Variants in ARMC9 observed in about 807,000 individuals in gnomAD.
ARMC9 encodes the protein lisH domain-containing protein ARMC9.
In ARMC9, 94 loss-of-function variants were observed where a neutral mutation model predicts 107.0. The observed-to-expected ratio is 0.88, with a 90% CI of 0.74 to 1.04. The LOEUF (loss-of-function observed/expected upper bound fraction) is 1.04. ARMC9 is among the 50% of genes least tolerant of loss of function. The pLI, the probability that ARMC9 is intolerant of heterozygous loss-of-function variation, is 0.00. For missense variants in ARMC9, 942 were observed against 1,030.1 expected, an observed-to-expected ratio of 0.91 and a Z score of 1.17; for synonymous variants, 380 against 396.9, an observed-to-expected ratio of 0.96 and a Z score of 0.51.
chr2:231,348,197 C>T (rs1331904479), intron 21 of ARMC9, among the ~76,000 whole-genome samples: 3 of 152,036 alleles, frequency 2.0e-5, no homozygotes, highest in African/African-American at 4.8e-5. Context: ...TGGGTGGACC[C>T]AATGTAATCA....
intron 9 of ARMC9, among the ~76,000 whole-genome samples, chr2:231,250,401 C>G (rs1373086370): frequency 6.6e-6 from 1 of 152,206 alleles, no homozygotes; most frequent in Non-Finnish European, 1.5e-5. Flanking sequence ...CCCAAAATGT[C>G]TCCAGACATT....
Position 231,215,110 on chromosome 2 carries a change from T to C in ARMC9, c.348+109T>C, listed in dbSNP as rs967972899. On this transcript the variant is annotated intron_variant, in intron 4 of 24. Transcript: ENST00000611582. Reference sequence around the variant, plus strand: ...TTCATATGTGGCTGTGCTGTCATAATGCTTACGAGGTACAGGCATCCTCTC... The same window carrying C: ...TTCATATGTGGCTGTGCTGTCATAACGCTTACGAGGTACAGGCATCCTCTC... 7 of 1,310,888 alleles carry C rather than the reference T, an allele frequency of 5.3e-6. No homozygotes were observed. The African/African-American group carries it at 8.8e-5, about 16-fold the overall frequency. 81.2% of individuals were successfully genotyped at this position (1,310,888 alleles called of 1,614,324 possible). A position where few individuals can be genotyped will look rare whatever the true frequency, so the allele number is the denominator to read the frequency against.
chr2:231,314,099 G>C (rs2042525161), intron 19 of ARMC9, among the ~76,000 whole-genome samples: 1 of 145,760 alleles, frequency 6.9e-6, no homozygotes. Context: ...TTGTTTTTGA[G>C]ACGGAGTTTC....
chr2:231,318,338 G>A (rs2042816826), intron 19 of ARMC9, among the ~76,000 whole-genome samples: 1 of 152,144 alleles, frequency 6.6e-6, no homozygotes, highest in South Asian at 2.1e-4. Context: ...TCCACCTTCT[G>A]CTGCTTGAGC....
At chr2:231,270,425 C>T in intron 12 of ARMC9, 2 of 354,168 alleles carry the variant, frequency 5.6e-6, no homozygotes, top group Non-Finnish European at 1.1e-5. Context: ...TTCTTCAGCT[C>T]TTAAGTGCTT....
intron 7 of ARMC9, among the ~76,000 whole-genome samples, chr2:231,230,598 G>C (rs73088011): frequency 0.12 from 17,944 of 152,108 alleles, 2,068 homozygotes; most frequent in African/African-American, 0.29. Flanking sequence ...GGAGTATACA[G>C]TTGTCCCTCA....
chr2:231,206,904 G>A (rs936424563), intron 2 of ARMC9, among the ~76,000 whole-genome samples: 2 of 152,252 alleles, frequency 1.3e-5, no homozygotes, highest in East Asian at 3.8e-4. Context: ...TGCAGGTTGC[G>A]AGAGCCACGG....
chr2:231,224,885 T>C (rs1432067525), intron 6 of ARMC9, among the ~76,000 whole-genome samples: 1 of 152,142 alleles, frequency 6.6e-6, no homozygotes, highest in Non-Finnish European at 1.5e-5. Flanking sequence ...GAACAGCCTG[T>C]GCAAAGGCAC....
chr2:231,248,946 A>C (rs935037786), intron 9 of ARMC9, among the ~76,000 whole-genome samples: 1 of 151,862 alleles, frequency 6.6e-6, no homozygotes, highest in Non-Finnish European at 1.5e-5. Context: ...CATTGTGGGC[A>C]TTTGAACCTC....
At chr2:231,271,296 C>T (rs542561819) in intron 13 of ARMC9, among the ~76,000 whole-genome samples, 2 of 152,206 alleles carry the variant, frequency 1.3e-5, no homozygotes, top group South Asian at 2.1e-4. Flanking sequence ...GTAAACCTCC[C>T]GGTTTTATTT....
intron 9 of ARMC9, among the ~76,000 whole-genome samples, chr2:231,248,151 A>G (rs1559348540): frequency 6.6e-6 from 1 of 152,150 alleles, no homozygotes; most frequent in Non-Finnish European, 1.5e-5. Context: ...ACTCCAGGGA[A>G]CACCTGGGAA....
intron 21 of ARMC9, among the ~76,000 whole-genome samples, chr2:231,355,334 T>C (rs1180525485): frequency 1.3e-5 from 2 of 152,200 alleles, no homozygotes; most frequent in East Asian, 3.8e-4. Flanking sequence ...AGTGAGACCC[T>C]GTCTCTAAGA....
intron 7 of ARMC9, among the ~76,000 whole-genome samples, chr2:231,231,367 A>G (rs145317177): frequency 3.3e-5 from 5 of 151,700 alleles, no homozygotes; most frequent in Admixed American, 6.6e-5. Context: ...TGAACTCTCT[A>G]TATATATATG....
chr2:231,239,351 C>T (rs377292671), intron 8 of ARMC9, among the ~76,000 whole-genome samples: 3 of 152,138 alleles, frequency 2.0e-5, no homozygotes, highest in African/African-American at 4.8e-5. Flanking sequence ...GCGTTGATGG[C>T]GACAGCAGCT....
At chr2:231,267,130 G>A (rs1490481974) in intron 12 of ARMC9, among the ~76,000 whole-genome samples, 2 of 152,196 alleles carry the variant, frequency 1.3e-5, no homozygotes, top group African/African-American at 4.8e-5. Context: ...GATCCCCTCT[G>A]GGGACATTGG....
intron 12 of ARMC9, among the ~76,000 whole-genome samples, chr2:231,269,686 C>T (rs962753131): frequency 6.6e-6 from 1 of 152,126 alleles, no homozygotes; most frequent in Admixed American, 6.6e-5. Flanking sequence ...GCCTCCCTAG[C>T]AGATGTCTTC....
At chr2:231,290,793 C>T (rs911994908) in intron 17 of ARMC9, among the ~76,000 whole-genome samples, 1 of 152,036 alleles carries the variant, frequency 6.6e-6, no homozygotes, top group African/African-American at 2.4e-5. Flanking sequence ...ATTTACTTCT[C>T]TAAGCATATG....
Position 231,370,033 on chromosome 2 carries a change from A to G in ARMC9, c.2342A>G (p.Lys781Arg), listed in dbSNP as rs1305102535. 1 of 1,535,708 alleles carries G rather than the reference A, an allele frequency of 6.5e-7. No homozygotes were observed. Among genetic ancestry groups the G allele is most frequent in the African/African-American group, 1.4e-5 (1 of 73,142 alleles). Reference protein sequence around the residue: ...EMLDWNPPKAKASVLAPLFSS... With the variant: ...EMLDWNPPKARASVLAPLFSS... The stretch of plus-strand genomic sequence containing the variant: ...CTGGACTGGAACCCACCCAAGGCAA[A>G]GGCGTCAGTTCTGGCCCCTCTGTTC... Residue 781 changes from lysine (K) to arginine (R), a missense_variant, in exon 24 of 25, where the codon AAG becomes AGG. By Grantham distance (26) the Lys-to-Arg change is conservative. Coordinates refer to ENST00000611582, the MANE Select transcript of ARMC9 (RefSeq NM_001352754.2).
intron 7 of ARMC9, among the ~76,000 whole-genome samples, chr2:231,229,494 T>G: frequency 6.6e-6 from 1 of 152,222 alleles, no homozygotes; most frequent in Non-Finnish European, 1.5e-5. Context: ...AGGTTGACAA[T>G]GTAGTAACAT....
Sources: gnomAD v4.1 joint callset for allele counts (sites outside exome capture counted in the v4.1 genomes callset) on GRCh38, gnomAD v4.1.1 for gene constraint, MANE v1.5 for transcripts, NCBI Gene and HGNC (gene_info 2026-07-23, HGNC 2026-07-21) for gene names.